UNC13C: variants seen among roughly 807,000 people sequenced by gnomAD.
The protein encoded by UNC13C is protein unc-13 homolog C.
UNC13C carries 174 observed loss-of-function variants against 245.4 expected under a neutral mutation model. The observed-to-expected ratio is 0.71, with a 90% CI of 0.63 to 0.80. UNC13C has a LOEUF of 0.80. Ranked by LOEUF, UNC13C falls within the 30% of genes least tolerant of loss-of-function variation. The pLI, the probability that UNC13C is intolerant of heterozygous loss-of-function variation, is 0.00. For missense variants in UNC13C, 2,829 were observed against 2,602.9 expected (o/e 1.09, Z -1.89); for synonymous variants, 992 against 895.1 (o/e 1.11, Z -1.93).
intron 1 of UNC13C, among the ~76,000 whole-genome samples, chr15:54,002,408 AG>A (rs531282179): frequency 0.01 from 1,555 of 152,108 alleles, 29 homozygotes; most frequent in African/African-American, 0.036. Flanking sequence ...CTTTAAAATG[AG>A]AATAATATTT....
chr15:53,898,559 G>C, the UNC13C span, among the ~76,000 whole-genome samples: 4 of 152,212 alleles, frequency 2.6e-5, no homozygotes, highest in Admixed American at 1.3e-4. Context: ...TAGTAAATGA[G>C]AAAAGAATCA....
At chr15:54,203,904 G>GTA (rs2034623046) in intron 4 of UNC13C, among the ~76,000 whole-genome samples, 1 of 116,992 alleles carries the variant, frequency 8.5e-6, no homozygotes. Context: ...ATATGTGTGT[G>GTA]TATATACATA....
chr15:53,992,533 G>A (rs1448709728), intron 1 of UNC13C, among the ~76,000 whole-genome samples: 1 of 152,048 alleles, frequency 6.6e-6, no homozygotes, highest in Non-Finnish European at 1.5e-5. Flanking sequence ...CAATCTTAGA[G>A]GATTCAGGAG....
At chr15:54,044,039 C>T (rs1208858882) in intron 2 of UNC13C, among the ~76,000 whole-genome samples, 1 of 152,132 alleles carries the variant, frequency 6.6e-6, no homozygotes, top group Non-Finnish European at 1.5e-5. Flanking sequence ...ACTTTTGTCA[C>T]CCCAAAAAGA....
intron 4 of UNC13C, among the ~76,000 whole-genome samples, chr15:54,194,775 G>A (rs1453198030): frequency 6.6e-6 from 1 of 151,962 alleles, no homozygotes; most frequent in Non-Finnish European, 1.5e-5. Flanking sequence ...AGACAGACAG[G>A]TCTACACAGA....
At chr15:54,562,994 C>A (rs1160542290) in intron 29 of UNC13C, among the ~76,000 whole-genome samples, 1 of 152,016 alleles carries the variant, frequency 6.6e-6, no homozygotes, top group Non-Finnish European at 1.5e-5. Flanking sequence ...CTTATGAAAT[C>A]ATGTTGAATT....
At chr15:53,866,998 T>C in the UNC13C span, among the ~76,000 whole-genome samples, 3 of 152,342 alleles carry the variant, frequency 2.0e-5, no homozygotes, top group Non-Finnish European at 2.9e-5. Flanking sequence ...AGTCAAAGTA[T>C]ATGATAGTTG....
intron 19 of UNC13C, among the ~76,000 whole-genome samples, chr15:54,425,480 A>G (rs2040741287): frequency 6.6e-6 from 1 of 151,864 alleles, no homozygotes; most frequent in South Asian, 2.1e-4. Context: ...TACATGGACA[A>G]CCAGGCATGA....
chr15:54,201,001 C>G (rs939659562), intron 4 of UNC13C, among the ~76,000 whole-genome samples: 1 of 151,914 alleles, frequency 6.6e-6, no homozygotes, highest in African/African-American at 2.4e-5. Flanking sequence ...ACTGATACCA[C>G]AGAAATACAA....
At chr15:53,885,844 T>A in the UNC13C span, among the ~76,000 whole-genome samples, 4 of 152,112 alleles carry the variant, frequency 2.6e-5, no homozygotes, top group Non-Finnish European at 4.4e-5. Context: ...GAGTGTGCAA[T>A]ACCAAAAACA....
intron 13 of UNC13C, among the ~76,000 whole-genome samples, 194 bp downstream of exon 13, chr15:54,300,567 C>G (rs533642102): frequency 2.8e-4 from 42 of 152,156 alleles, no homozygotes; most frequent in South Asian, 2.1e-4. Context: ...TACCACCATC[C>G]TCCAATCCTT....
chr15:53,934,892 C>A, the UNC13C span, among the ~76,000 whole-genome samples: 2 of 152,154 alleles, frequency 1.3e-5, no homozygotes, highest in African/African-American at 2.4e-5. Flanking sequence ...CCCTTACGAT[C>A]CAGTCAACTT....
intron 19 of UNC13C, among the ~76,000 whole-genome samples, chr15:54,467,405 T>TA (rs1892236531): frequency 6.6e-6 from 1 of 151,762 alleles, no homozygotes; most frequent in Non-Finnish European, 1.5e-5. Context: ...TCTTTTTTTT[T>TA]ACAAGATTTT....
At chr15:54,611,530 A>G (rs1487986097) in intron 30 of UNC13C, 2 of 152,170 alleles carry the variant, frequency 1.3e-5, no homozygotes, top group Non-Finnish European at 2.9e-5. Flanking sequence ...AGGTTGGCTG[A>G]GTTCTTATTT....
chr15:54,550,877 A>T (rs569020394), intron 28 of UNC13C, among the ~76,000 whole-genome samples: 1 of 152,188 alleles, frequency 6.6e-6, no homozygotes, highest in African/African-American at 2.4e-5. Flanking sequence ...ACATAAAACC[A>T]TGAAGGTGAA....
At chr15:54,353,250 CCAGG>C in intron 17 of UNC13C, among the ~76,000 whole-genome samples, 1 of 151,976 alleles carries the variant, frequency 6.6e-6, no homozygotes, top group African/African-American at 2.4e-5. Flanking sequence ...GTGTCAGATG[CCAGG>C]CAGGCAGGGA....
the UNC13C span, among the ~76,000 whole-genome samples, chr15:53,862,656 G>C: frequency 6.6e-6 from 1 of 152,076 alleles, no homozygotes; most frequent in Non-Finnish European, 1.5e-5. Flanking sequence ...TATAGTAAAA[G>C]GTTAGTGGAA....
chr15:54,119,933 C>G (rs534937935), intron 2 of UNC13C, among the ~76,000 whole-genome samples: 1 of 152,110 alleles, frequency 6.6e-6, no homozygotes, highest in South Asian at 2.1e-4. Context: ...GTGAGGAAGC[C>G]ACAGAAGAAA....
At chr15:54,442,526 G>A (rs993575748) in intron 19 of UNC13C, among the ~76,000 whole-genome samples, 2 of 151,896 alleles carry the variant, frequency 1.3e-5, no homozygotes, top group African/African-American at 4.8e-5. Context: ...CTCAGCCCCA[G>A]TTCTTAGAGG....
Sources: allele counts gnomAD v4.1 joint callset (sites outside exome capture counted in the v4.1 genomes callset), GRCh38; gene constraint gnomAD v4.1.1; transcripts MANE v1.5; gene names NCBI Gene and HGNC (gene_info 2026-07-23, HGNC 2026-07-21).